WIPF2: variants seen among roughly 807,000 people sequenced by gnomAD.
WIPF2 encodes WAS/WASL interacting protein family member 2, also known as WAS/WASL-interacting protein family member 2.
WIPF2 carries 23 observed loss-of-function variants against 38.8 expected under a neutral mutation model. That is an observed-to-expected ratio of 0.59 (90% CI 0.43 to 0.84). WIPF2 has a LOEUF of 0.84. Ranked by LOEUF, WIPF2 falls within the 40% of genes least tolerant of loss-of-function variation. The pLI, the probability that WIPF2 is intolerant of heterozygous loss-of-function variation, is 0.00. For synonymous variants in WIPF2, 210 were observed against 223.2 expected, an observed-to-expected ratio of 0.94 and a Z score of 0.53; for missense variants, 574 against 580.5, an observed-to-expected ratio of 0.99 and a Z score of 0.11.
At chr17:40,247,353 G>A (rs1257971377) in intron 1 of WIPF2, among the ~76,000 whole-genome samples, 2 of 149,546 alleles carry the variant, frequency 1.3e-5, no homozygotes, top group Admixed American at 6.7e-5. Flanking sequence ...AAGGTAGCTA[G>A]GATTACAGGT....
intron 1 of WIPF2, among the ~76,000 whole-genome samples, chr17:40,230,402 CT>C (rs145693710): frequency 3.3e-4 from 49 of 148,904 alleles, no homozygotes; most frequent in African/African-American, 8.9e-4. Flanking sequence ...TAAAATAGGG[CT>C]TTTTTTTTTC....
intron 7 of WIPF2, 23 bp downstream of exon 7, chr17:40,277,207 T>A: frequency 9.2e-6 from 14 of 1,521,392 alleles, no homozygotes; most frequent in Non-Finnish European, 1.1e-5. Context: ...ATAAGAAGGT[T>A]TTTCCATAAT....
intron 1 of WIPF2, among the ~76,000 whole-genome samples, chr17:40,235,678 A>G (rs2030941110): frequency 6.6e-6 from 1 of 150,806 alleles, no homozygotes; most frequent in African/African-American, 2.4e-5. Flanking sequence ...GGTTCAAGCA[A>G]TTCTCCTACC....
intron 1 of WIPF2, among the ~76,000 whole-genome samples, chr17:40,231,945 T>TC (rs2030759362): frequency 1.3e-5 from 2 of 151,032 alleles, no homozygotes; most frequent in African/African-American, 4.8e-5. Flanking sequence ...CTTTTTTTTT[T>TC]TTTTTTTAGC....
At chr17:40,265,660 G>A (rs896965738) in intron 5 of WIPF2, among the ~76,000 whole-genome samples, 2 of 152,154 alleles carry the variant, frequency 1.3e-5, no homozygotes, top group African/African-American at 4.8e-5. Context: ...AGAGTGAGGG[G>A]AGGGAAGAGT....
intron 1 of WIPF2, among the ~76,000 whole-genome samples, chr17:40,254,316 C>T (rs1245339905): frequency 6.6e-6 from 1 of 152,128 alleles, no homozygotes; most frequent in African/African-American, 2.4e-5. Flanking sequence ...CATGCCTGGC[C>T]TCCTAATCTT....
intron 2 of WIPF2, among the ~76,000 whole-genome samples, chr17:40,257,833 A>G (rs971566410): frequency 1.3e-5 from 2 of 152,072 alleles, no homozygotes; most frequent in East Asian, 1.9e-4. Context: ...TCAGAGAAGA[A>G]TAGGCCATGG....
Position 40,273,853 on chromosome 17 carries a change from C to A in WIPF2, c.1034C>A (p.Pro345Gln), listed in dbSNP as rs1567725387. Residue 345 changes from proline to glutamine, a missense_variant, in exon 6 of 8, where the codon CCA becomes CAA. By Grantham distance (76) the Pro-to-Gln change is moderately conservative (BLOSUM62 -1). Coordinates refer to ENST00000323571, the MANE Select transcript of WIPF2 (RefSeq NM_133264.5). ...AGGGATGCTCCCCCTCCCCCACCAC[C>A]ATACCGAATGCATGGGTCAGAACCC... ...GARDAPPPPPPYRMHGSEPPS... is the reference protein window; with the variant it reads ...GARDAPPPPPQYRMHGSEPPS... 1 of 1,583,758 alleles carries A rather than the reference C, an allele frequency of 6.3e-7. No individual in the cohort carries two copies. The highest frequency in any genetic ancestry group is 1.4e-5 in the African/African-American group (1 of 73,530).
chr17:40,221,554 C>T (rs1243093060), intron 1 of WIPF2, among the ~76,000 whole-genome samples: 2 of 151,784 alleles, frequency 1.3e-5, no homozygotes, highest in African/African-American at 2.4e-5. Context: ...GGCAACGTAG[C>T]AATACCCCAT....
chr17:40,259,018 CAAAAAAA>C lies in WIPF2; in HGVS notation c.64-1500_64-1494del, dbSNP rs903377557. On this transcript the variant is annotated intron_variant, in intron 2 of 7. Coordinates refer to ENST00000323571, the MANE Select transcript of WIPF2 (RefSeq NM_133264.5). ...AATCCCAGCACTTGAAACTCTGTCTCAAAAAAAAAAAAAAAAAAAAAAAGATAAGTTT... is the reference window on the plus strand; with the variant it reads ...AATCCCAGCACTTGAAACTCTGTCTCAAAAAAAAAAAAAAAAGATAAGTTT... Among the ~76,000 whole-genome samples the C allele has an allele frequency of 8.6e-5, 3 of 34,912 alleles. 1 individual carries two copies. Among genetic ancestry groups the C allele is most frequent in the Admixed American group, 7.7e-4 (2 of 2,606 alleles). 22.9% of individuals were successfully genotyped at this position (34,912 alleles called of 152,430 possible).
rs2032528242 is a variant in WIPF2 at position 40,280,681 on chromosome 17, C to T, written c.*2456C>T. The T allele has an allele frequency of 1.3e-5, 2 of 151,056 alleles. No individual in the cohort carries two copies. The highest frequency in any genetic ancestry group is 4.9e-5 in the African/African-American group (2 of 40,872). The allele number at this position is 151,056 out of a possible 1,614,324, so 9.4% of individuals were successfully genotyped here. A position where few individuals can be genotyped will look rare whatever the true frequency, so the allele number is the denominator to read the frequency against. ...TTTTTTTTTTCCTCCTTTACTCAGACATAGAGCATCAAAATATCACGAGTA... is the reference window on the plus strand; with the variant it reads ...TTTTTTTTTTCCTCCTTTACTCAGATATAGAGCATCAAAATATCACGAGTA... On this transcript the variant is annotated 3_prime_UTR_variant, in exon 8 of 8. Transcript: ENST00000323571.
chr17:40,260,018 A>G (rs2031847679), intron 2 of WIPF2, among the ~76,000 whole-genome samples: 1 of 152,116 alleles, frequency 6.6e-6, no homozygotes, highest in East Asian at 1.9e-4. Context: ...TAAGAAGGAA[A>G]TGGAGTTCCT....
At chr17:40,246,958 G>A (rs1339173345) in intron 1 of WIPF2, among the ~76,000 whole-genome samples, 4 of 151,500 alleles carry the variant, frequency 2.6e-5, no homozygotes, top group African/African-American at 9.7e-5. Context: ...AAAAATACAA[G>A]AAATTAGCCG....
intron 2 of WIPF2, among the ~76,000 whole-genome samples, chr17:40,257,990 C>T (rs2031781520): frequency 6.6e-6 from 1 of 152,158 alleles, no homozygotes; most frequent in Non-Finnish European, 1.5e-5. Flanking sequence ...TCAGGTCTAC[C>T]CACTTCTGTT....
intron 1 of WIPF2, among the ~76,000 whole-genome samples, chr17:40,237,152 T>C (rs1045389124): frequency 1.3e-5 from 2 of 152,124 alleles, no homozygotes; most frequent in African/African-American, 4.8e-5. Context: ...GATAATTATT[T>C]ATCTCCTCTC....
chr17:40,277,250 G>C (rs571310835), intron 7 of WIPF2, 66 bp downstream of exon 7: 1 of 1,445,080 alleles, frequency 6.9e-7, no homozygotes, highest in East Asian at 2.4e-5. Flanking sequence ...CATTTTCTTA[G>C]GTTAAAATTT....
At chr17:40,277,812 T>G (rs1598504757) in intron 7 of WIPF2, among the ~76,000 whole-genome samples, 3 of 148,228 alleles carry the variant, frequency 2.0e-5, no homozygotes, top group South Asian at 2.1e-4. Context: ...CCCAAACCTC[T>G]GCCTCCCAGG....
chr17:40,220,617 A>G (rs12452468), intron 1 of WIPF2: 164 of 78,480 alleles, frequency 2.1e-3, no homozygotes, highest in Admixed American at 3.9e-3. Flanking sequence ...ATATATATAT[A>G]TGTATATATA....
intron 1 of WIPF2, among the ~76,000 whole-genome samples, chr17:40,238,231 A>G (rs1363517748): frequency 6.6e-6 from 1 of 151,940 alleles, no homozygotes; most frequent in African/African-American, 2.4e-5. Flanking sequence ...TGTTACTTTG[A>G]TTCTTATCTT....
Sources: gnomAD v4.1 joint callset for allele counts (sites outside exome capture counted in the v4.1 genomes callset) on GRCh38, gnomAD v4.1.1 for gene constraint, MANE v1.5 for transcripts, NCBI Gene and HGNC (gene_info 2026-07-23, HGNC 2026-07-21) for gene names.